The following NUAK2 variants were observed in gnomAD, a reference collection of about 807,000 sequenced individuals.
NUAK2 encodes NUAK family SNF1-like kinase 2.
In NUAK2, 20 loss-of-function variants were observed where a neutral mutation model predicts 29.8. The ratio of observed to expected loss-of-function variants is 0.67; its 90% confidence interval spans 0.47 to 0.98. The LOEUF (loss-of-function observed/expected upper bound fraction) is 0.98, where lower values mean the gene tolerates loss of function less well. Among genes scored for constraint, NUAK2 ranks in the 50% least tolerant of loss-of-function variants. The probability of loss-of-function intolerance (pLI) is 0.00; values close to 1 mark genes in which losing one functional copy is unlikely to be tolerated. For missense variants in NUAK2, 719 were observed against 834.5 expected (o/e 0.86, Z 1.71); for synonymous variants, 331 against 342.6 (o/e 0.97, Z 0.37).
intron 1 of NUAK2, among the ~76,000 whole-genome samples, chr1:205,314,008 C>T (rs75435472): frequency 3.9e-5 from 6 of 152,332 alleles, no homozygotes; most frequent in Non-Finnish European, 8.8e-5. Context: ...AACCCCTGCT[C>T]GAGGGGAGGA....
At chr1:205,317,799 C>T (rs1662351646) in intron 1 of NUAK2, among the ~76,000 whole-genome samples, 2 of 152,268 alleles carry the variant, frequency 1.3e-5, no homozygotes, top group Admixed American at 6.5e-5. Context: ...GAGCTGGGGC[C>T]GAAGGAGAGA....
chr1:205,310,773 C>A (rs1382361086), intron 2 of NUAK2, among the ~76,000 whole-genome samples: 2 of 152,188 alleles, frequency 1.3e-5, no homozygotes, highest in African/African-American at 4.8e-5. Flanking sequence ...GAGGGAAGCA[C>A]ACACAGAGAT....
At chr1:205,311,637 A>T in intron 2 of NUAK2, 68 bp downstream of exon 2, 1 of 1,586,586 alleles carries the variant, frequency 6.3e-7, no homozygotes, top group Non-Finnish European at 8.6e-7. Context: ...ACACATGTAC[A>T]TACGCATGTG....
At position 205,302,913 on chromosome 1, in the gene NUAK2, A is replaced by T. The variant is rs1662104335; in HGVS notation, c.*537T>A. 6.6e-6 allele frequency: 1 copy of T among 152,120 alleles called. No homozygotes were observed. Among genetic ancestry groups the T allele is most frequent in the Non-Finnish European group, 1.5e-5 (1 of 68,120 alleles). The allele number at this position is 152,120 out of a possible 1,614,324, so 9.4% of individuals were successfully genotyped here. A position where few individuals can be genotyped will look rare whatever the true frequency, so the allele number is the denominator to read the frequency against. The stretch of plus-strand genomic sequence containing the variant: ...TCTCAAAAAAATAAATAAATAAATA[A>T]AAATAAAAATAAAAATAACGAAGCG... On this transcript the variant is annotated 3_prime_UTR_variant, in exon 7 of 7. Transcript: ENST00000367157.
chr1:205,303,405 G>T lies in NUAK2; in HGVS notation c.*45C>A. The T allele has an allele frequency of 6.7e-7, 1 of 1,486,306 alleles. No homozygotes were observed. The highest frequency in any genetic ancestry group is 9.0e-7 in the Non-Finnish European group (1 of 1,109,580). 92.1% of individuals were successfully genotyped at this position (1,486,306 alleles called of 1,614,324 possible). A position where few individuals can be genotyped will look rare whatever the true frequency, so the allele number is the denominator to read the frequency against. On this transcript the variant is annotated 3_prime_UTR_variant, in exon 7 of 7. Transcript: ENST00000367157. ...GGCATCTCCCCTCGGGGTGCAACCA[G>T]CTGCATCTGAGAGCCTGACCGGGCT...
At chr1:205,305,516 A>T in intron 5 of NUAK2, 185 bp from the exon 6 acceptor site, 1 of 985,454 alleles carries the variant, frequency 1.0e-6, no homozygotes, top group Non-Finnish European at 1.2e-6. Flanking sequence ...GACAGCCACA[A>T]GCACAAGAGC....
chr1:205,308,396 C>T lies in NUAK2; in HGVS notation c.505-166G>A, dbSNP rs1055749556. Among the ~76,000 whole-genome samples, 1 of 151,958 alleles carries T rather than the reference C, an allele frequency of 6.6e-6. No individual in the cohort carries two copies. Among genetic ancestry groups the T allele is most frequent in the African/African-American group, 2.4e-5 (1 of 41,356 alleles). ...GTATGTGCTGCAAGAAATCACGGGC[C>T]CTTCTATCCGCGGAGAAGGGACTCA... On this transcript the variant is annotated intron_variant, in intron 3 of 6. Coordinates refer to ENST00000367157, the MANE Select transcript of NUAK2 (RefSeq NM_030952.3). This position sits in a 1 kb window ranked among gnomAD's most constrained non-coding sequence, Gnocchi z 4.1.
chr1:205,320,409 C>T (rs1312257216), intron 1 of NUAK2, among the ~76,000 whole-genome samples: 1 of 152,278 alleles, frequency 6.6e-6, no homozygotes, highest in Non-Finnish European at 1.5e-5. Context: ...GGACTACAGG[C>T]GTCCGCCACC....
Position 205,308,839 on chromosome 1 carries a change from C to A in NUAK2, c.353-107G>T, listed in dbSNP as rs1411090846. 15 of 1,298,008 alleles carry A rather than the reference C, an allele frequency of 1.2e-5. No homozygotes were observed. Among genetic ancestry groups the A allele is most frequent in the Non-Finnish European group, 1.6e-5 (15 of 928,792 alleles). The allele number at this position is 1,298,008 out of a possible 1,614,324, so 80.4% of individuals were successfully genotyped here. A position where few individuals can be genotyped will look rare whatever the true frequency, so the allele number is the denominator to read the frequency against. On this transcript the variant is annotated intron_variant, in intron 2 of 6. Transcript: ENST00000367157. This position sits in a 1 kb window ranked among gnomAD's most constrained non-coding sequence, Gnocchi z 4.1. ...CCAGGCCCCAAACCAGACAGGACCC[C>A]CCTCCAGGAATATCTGCTAATGGGG... is the stretch of plus-strand genomic sequence containing the variant.
At chr1:205,316,470 T>C (rs1339863707) in intron 1 of NUAK2, among the ~76,000 whole-genome samples, 1 of 152,072 alleles carries the variant, frequency 6.6e-6, no homozygotes, top group Admixed American at 6.5e-5. Flanking sequence ...CCTTTGCCCA[T>C]AGGAGGAGCA....
At chr1:205,321,051 C>A (rs1051653256) in intron 1 of NUAK2, among the ~76,000 whole-genome samples, 1 of 152,172 alleles carries the variant, frequency 6.6e-6, no homozygotes, top group Non-Finnish European at 1.5e-5. Flanking sequence ...CTCTATTGAA[C>A]AGTCTTTTCC....
At chr1:205,305,379 A>G (rs1484948320) in intron 5 of NUAK2, 48 bp from the exon 6 acceptor site, 5 of 1,594,028 alleles carry the variant, frequency 3.1e-6, no homozygotes, top group African/African-American at 1.3e-5. Flanking sequence ...CCAGACAGGA[A>G]AATGTTACAT....
At chr1:205,320,046 C>T (rs572811478) in intron 1 of NUAK2, among the ~76,000 whole-genome samples, 260 of 152,238 alleles carry the variant, frequency 1.7e-3, no homozygotes, top group Non-Finnish European at 2.8e-3. Flanking sequence ...CATTATATGG[C>T]CCTATCCTAG....
intron 1 of NUAK2, among the ~76,000 whole-genome samples, chr1:205,314,003 C>T (rs1397340115): frequency 6.6e-6 from 1 of 152,244 alleles, no homozygotes; most frequent in Non-Finnish European, 1.5e-5. Flanking sequence ...AAGGAAACCC[C>T]TGCTCGAGGG....
intron 1 of NUAK2, among the ~76,000 whole-genome samples, chr1:205,320,511 G>C (rs1341253894): frequency 6.6e-6 from 1 of 152,284 alleles, no homozygotes; most frequent in East Asian, 1.9e-4. Flanking sequence ...CGATCCGCCC[G>C]CCTCGGCCTC....
chr1:205,316,974 G>A (rs1558676311), intron 1 of NUAK2, among the ~76,000 whole-genome samples: 1 of 152,180 alleles, frequency 6.6e-6, no homozygotes, highest in Admixed American at 6.5e-5. Flanking sequence ...GAAGGATGGT[G>A]CCTGGAGAAG....
At position 205,306,334 on chromosome 1, in the gene NUAK2, C is replaced by T. The variant is rs772480676; in HGVS notation, c.571-27G>A. 9 of 1,594,402 alleles carry T rather than the reference C, an allele frequency of 5.6e-6. No homozygotes were observed. In the South Asian group the frequency reaches 9.1e-5, roughly 16 times the overall value. On this transcript the variant is annotated intron_variant, in intron 4 of 6. Coordinates refer to ENST00000367157, the MANE Select transcript of NUAK2 (RefSeq NM_030952.3). Reference sequence around the variant, plus strand: ...TGCAGGATTGAGTCAAACACGGGCACAGGTCATGTCAAGGCCTGGGTTTTT... The same window carrying T: ...TGCAGGATTGAGTCAAACACGGGCATAGGTCATGTCAAGGCCTGGGTTTTT...
chr1:205,306,510 G>A (rs1184141988), intron 4 of NUAK2, among the ~76,000 whole-genome samples: 2 of 152,182 alleles, frequency 1.3e-5, no homozygotes, highest in East Asian at 1.9e-4. Flanking sequence ...TGTCAATAAG[G>A]AGCATCTAGA....
rs189046318 is a variant in NUAK2 at position 205,311,034 on chromosome 1, G to A, written c.352+671C>T. The stretch of plus-strand genomic sequence containing the variant: ...AACTGATATTATGTAAAGTCTCGAC[G>A]CAGACAGGTGTGTGTAAGAGAGGGC... On this transcript the variant is annotated intron_variant, in intron 2 of 6. Coordinates refer to ENST00000367157, the MANE Select transcript of NUAK2 (RefSeq NM_030952.3). Among the ~76,000 whole-genome samples the A allele has an allele frequency of 1.0e-3, 157 of 152,298 alleles. 1 individual carries two copies. Among genetic ancestry groups the A allele is most frequent in the South Asian group, 4.3e-3 (21 of 4,830 alleles).
Sources: gnomAD v4.1 joint callset for allele counts (sites outside exome capture counted in the v4.1 genomes callset) on GRCh38, gnomAD v4.1.1 for gene constraint, Gnocchi (gnomAD v3.1) non-coding constraint, MANE v1.5 for transcripts, NCBI Gene and HGNC (gene_info 2026-07-23, HGNC 2026-07-21) for gene names.